BACH2: variants seen among roughly 807,000 people sequenced by gnomAD.
BACH2 encodes the protein transcription regulator protein BACH2.
A neutral mutation model predicts 61.8 loss-of-function variants in BACH2; 5 were observed. The ratio of observed to expected loss-of-function variants is 0.08; its 90% CI spans 0.04 to 0.17. The LOEUF is 0.17. Ranked by LOEUF, BACH2 falls within the 10% of genes least tolerant of loss-of-function variation. BACH2 has a pLI of 1.00. For synonymous variants in BACH2, 446 were observed against 440.1 expected (o/e 1.01, Z -0.17); for missense variants, 824 against 1,091.1 (o/e 0.76, Z 3.45).
intron 5 of BACH2, among the ~76,000 whole-genome samples, chr6:90,081,295 A>C (rs1330035282): frequency 6.6e-6 from 1 of 152,148 alleles, no homozygotes; most frequent in Non-Finnish European, 1.5e-5. Flanking sequence ...GAGCACTGTG[A>C]CTCAGTGAAG....
At chr6:90,095,246 C>T (rs879899225) in intron 4 of BACH2, among the ~76,000 whole-genome samples, 4 of 148,766 alleles carry the variant, frequency 2.7e-5, no homozygotes, top group Non-Finnish European at 4.5e-5. Context: ...TTTTTTTAAA[C>T]TCTTATCTTT....
intron 3 of BACH2, among the ~76,000 whole-genome samples, chr6:90,210,343 A>ACACG (rs1328244865): frequency 6.7e-6 from 1 of 150,276 alleles, no homozygotes; most frequent in Non-Finnish European, 1.5e-5. Flanking sequence ...ACACACACAC[A>ACACG]CACACACGCA....
chr6:89,955,257 G>A (rs1276056429), intron 6 of BACH2, among the ~76,000 whole-genome samples: 1 of 152,222 alleles, frequency 6.6e-6, no homozygotes, highest in Non-Finnish European at 1.5e-5. Context: ...GGAAGGATAT[G>A]TGTAGGACTC....
At chr6:90,183,732 G>C (rs1768248966) in intron 4 of BACH2, among the ~76,000 whole-genome samples, 1 of 152,160 alleles carries the variant, frequency 6.6e-6, no homozygotes. Flanking sequence ...TGAGCTGCTG[G>C]TAATCAAGGA....
At chr6:89,980,284 A>G (rs754667113) in intron 6 of BACH2, among the ~76,000 whole-genome samples, 1 of 146,578 alleles carries the variant, frequency 6.8e-6, no homozygotes, top group Non-Finnish European at 1.5e-5. Context: ...ACAGAGCAAG[A>G]CTCTGTCTCA....
intron 1 of BACH2, among the ~76,000 whole-genome samples, chr6:90,286,630 C>T (rs4142967): frequency 0.38 from 57,758 of 152,002 alleles, 11,708 homozygotes; most frequent in Non-Finnish European, 0.46. Context: ...AAATGTCTAA[C>T]TACAGGAGGA....
At chr6:90,097,400 G>C (rs1180060039) in intron 4 of BACH2, among the ~76,000 whole-genome samples, 2 of 152,210 alleles carry the variant, frequency 1.3e-5, no homozygotes, top group African/African-American at 4.8e-5. Flanking sequence ...CGAGGAGGAA[G>C]AAGGCAGCAT....
intron 4 of BACH2, among the ~76,000 whole-genome samples, chr6:90,183,800 G>T (rs909617367): frequency 2.0e-5 from 3 of 152,190 alleles, no homozygotes; most frequent in African/African-American, 4.8e-5. Flanking sequence ...GTTAATGAGT[G>T]ATGGCTGGAT....
At chr6:89,936,747 G>A (rs1017304853) in intron 8 of BACH2, among the ~76,000 whole-genome samples, 1 of 152,122 alleles carries the variant, frequency 6.6e-6, no homozygotes, top group Non-Finnish European at 1.5e-5. Context: ...AAACCCTGAC[G>A]TCCAGGGCTA....
intron 3 of BACH2, among the ~76,000 whole-genome samples, chr6:90,248,365 G>C (rs1304980299): frequency 1.3e-5 from 2 of 152,132 alleles, no homozygotes; most frequent in East Asian, 3.9e-4. Context: ...CTGCTTGCTA[G>C]GAAGTGGATA....
intron 1 of BACH2, among the ~76,000 whole-genome samples, chr6:90,291,643 T>C (rs1458456294): frequency 6.6e-6 from 1 of 151,946 alleles, no homozygotes; most frequent in Non-Finnish European, 1.5e-5. Flanking sequence ...TTGAGTTGTA[T>C]TTTGGGCAAT....
rs146377187 is a variant in BACH2 at position 89,982,482 on chromosome 6, T to C, written c.243+26120A>G. Among the ~76,000 whole-genome samples, 784 of 152,318 alleles carry C rather than the reference T, an allele frequency of 5.1e-3. 8 individuals carry two copies. The highest frequency in any genetic ancestry group is 0.018 in the African/African-American group (747 of 41,576). On this transcript the variant is annotated intron_variant, in intron 6 of 8. Transcript: ENST00000257749. ...AGAGGGTTTTTAATATTAAAAGAGA[T>C]AAAAGTCTGATTTGGATTGTTTAGG...
intron 5 of BACH2, among the ~76,000 whole-genome samples, chr6:90,042,129 G>T (rs996724673): frequency 9.2e-5 from 14 of 152,100 alleles, no homozygotes; most frequent in African/African-American, 3.4e-4. Flanking sequence ...CATTTAAAAA[G>T]ATGTTAGAAA....
Position 90,167,856 on chromosome 6 carries a change from C to T in BACH2, c.-162+38713G>A, listed in dbSNP as rs151249467. Among the ~76,000 whole-genome samples the T allele has an allele frequency of 1.9e-3, 291 of 152,258 alleles. 3 individuals are homozygous for T. Among genetic ancestry groups the T allele is most frequent in the African/African-American group, 6.8e-3 (284 of 41,538 alleles). ...TTTCACTTCTTTTTGCTGAGGTAGG[C>T]TTGTAAACTTGGTTAAAAGAAACTG... On this transcript the variant is annotated intron_variant, in intron 4 of 8. Transcript: ENST00000257749.
intron 1 of BACH2, among the ~76,000 whole-genome samples, chr6:90,293,577 A>T (rs573567468): frequency 6.5e-4 from 99 of 152,356 alleles, no homozygotes; most frequent in Non-Finnish European, 9.0e-4. Context: ...GGGCTGGCCT[A>T]GGAGAGATCT....
intron 5 of BACH2, among the ~76,000 whole-genome samples, chr6:90,070,392 C>T (rs1311777387): frequency 6.6e-6 from 1 of 152,124 alleles, no homozygotes; most frequent in Non-Finnish European, 1.5e-5. Flanking sequence ...AAACAGCCTC[C>T]TTGAGGAAGT....
chr6:90,252,483 TTA>T (rs1280172973), intron 3 of BACH2, 28 bp downstream of exon 3: 1 of 152,234 alleles, frequency 6.6e-6, no homozygotes, highest in Non-Finnish European at 1.5e-5. Flanking sequence ...CTAAATTTTT[TTA>T]GTCTCTTTCC....
At chr6:90,296,425 T>C (rs2127898049) in intron 1 of BACH2, 55 bp downstream of exon 1, 1 of 147,208 alleles carries the variant, frequency 6.8e-6, no homozygotes, top group South Asian at 2.2e-4. Flanking sequence ...CCCCGCAAAC[T>C]TGCCCCGCCA....
intron 5 of BACH2, among the ~76,000 whole-genome samples, chr6:90,046,544 C>T (rs1779786621): frequency 6.6e-6 from 1 of 152,154 alleles, no homozygotes; most frequent in African/African-American, 2.4e-5. Flanking sequence ...TATGGTACAC[C>T]TCCTCCCCAA....
Sources: gnomAD v4.1 joint callset for allele counts (sites outside exome capture counted in the v4.1 genomes callset) on GRCh38, gnomAD v4.1.1 for gene constraint, MANE v1.5 for transcripts, NCBI Gene and HGNC (gene_info 2026-07-23, HGNC 2026-07-21) for gene names.